Variants in PABPC1L2B observed in about 807,000 individuals in gnomAD.
PABPC1L2B encodes poly(A) binding protein cytoplasmic 1 like 2B, also known as polyadenylate-binding protein 1-like 2.
For synonymous variants in PABPC1L2B, 7 were observed against 7.1 expected (o/e 0.99, Z 0.02); for missense variants, 5 against 16.4 (o/e 0.30, Z 1.20).
Position 73,003,342 on chromosome X carries a change from T to TGAGGTGGAGGCCGAGGCC in PABPC1L2B, c.-300_-283dup, listed in dbSNP as rs2055172147. Reference sequence around the variant, plus strand: ...CGGAGGCGGAAGCAGAGGTAGAGGCTGAGGTGGAGGCCGAGGCCTCAATAG... The same window carrying TGAGGTGGAGGCCGAGGCC: ...CGGAGGCGGAAGCAGAGGTAGAGGCTGAGGTGGAGGCCGAGGCCGAGGTGGAGGCCGAGGCCTCAATAG... On this transcript the variant is annotated 5_prime_UTR_variant, in exon 1 of 1. Coordinates refer to ENST00000373521, the MANE Select transcript of PABPC1L2B (RefSeq NM_001042506.2). Among the ~76,000 whole-genome samples, 1 of 14,307 alleles carries TGAGGTGGAGGCCGAGGCC rather than the reference T, an allele frequency of 7.0e-5. No homozygotes were observed. The highest frequency in any genetic ancestry group is 9.0e-5 in the Non-Finnish European group (1 of 11,149). 12.4% of individuals were successfully genotyped at this position (14,307 alleles called of 115,157 possible). A position where few individuals can be genotyped will look rare whatever the true frequency, so the allele number is the denominator to read the frequency against.
rs2055185855 is a variant in PABPC1L2B, at chrX:73,005,814, T to C, written c.*1569T>C. On this transcript the variant is annotated 3_prime_UTR_variant, in exon 1 of 1. Transcript: ENST00000373521. Reference sequence around the variant, plus strand: ...GATATAGGGATATATTTGTTTTAAGTAGTTATTGGACGTCTGGGTTGTTTC... The same window carrying C: ...GATATAGGGATATATTTGTTTTAAGCAGTTATTGGACGTCTGGGTTGTTTC... 8.3e-6 allele frequency: 1 copy of C among 120,599 alleles called. No individual in the cohort carries two copies. The highest frequency in any genetic ancestry group is 3.3e-5 in the African/African-American group (1 of 30,721). The allele number at this position is 120,599 out of a possible 1,213,427, so 9.9% of individuals were successfully genotyped here.
Position 73,005,376 on chromosome X carries a change from T to A in PABPC1L2B, c.*1131T>A, listed in dbSNP as rs782387960. 7.3e-5 allele frequency: 9 copies of A among 122,634 alleles called. No individual in the cohort carries two copies. Among genetic ancestry groups the A allele is most frequent in the South Asian group, 3.9e-4 (1 of 2,565 alleles). The allele number at this position is 122,634 out of a possible 1,213,427, so 10.1% of individuals were successfully genotyped here. On this transcript the variant is annotated 3_prime_UTR_variant, in exon 1 of 1. Coordinates refer to ENST00000373521, the MANE Select transcript of PABPC1L2B (RefSeq NM_001042506.2). ...CCTGTCCTCAGTGGTTTTGCTGCAATCAAACACTGTTTATTACCCCCTTCC... is the reference window on the plus strand; with the variant it reads ...CCTGTCCTCAGTGGTTTTGCTGCAAACAAACACTGTTTATTACCCCCTTCC...
In PABPC1L2B at chrX:73,005,657, A is replaced by T. The variant is rs2055184860; in HGVS notation, c.*1412A>T. On this transcript the variant is annotated 3_prime_UTR_variant, in exon 1 of 1. Transcript: ENST00000373521. ...TTTCACACAGAAATATATATTATAG[A>T]CATAGATTTATAGATATTCTTGAAC... The T allele has an allele frequency of 8.1e-6, 1 of 123,322 alleles. No homozygotes were observed. Among genetic ancestry groups the T allele is most frequent in the Admixed American group, 9.5e-5 (1 of 10,507 alleles). The allele number at this position is 123,322 out of a possible 1,213,427, so 10.2% of individuals were successfully genotyped here.
At position 73,003,283 on chromosome X, in the gene PABPC1L2B, A is replaced by G. The variant is rs2055172028; in HGVS notation, c.-360A>G. 1.3e-4 allele frequency among the ~76,000 whole-genome samples: 1 copy of G among 7,650 alleles called. No homozygotes were observed. Among genetic ancestry groups the G allele is most frequent in the Non-Finnish European group, 1.7e-4 (1 of 5,724 alleles). 6.6% of individuals were successfully genotyped at this position (7,650 alleles called of 115,157 possible). On this transcript the variant is annotated 5_prime_UTR_variant, in exon 1 of 1. Transcript: ENST00000373521. ...GGCGGCGGCGGAGGCTGCGGCGGCG[A>G]CCGTGGCAGAGGCGGTGGCGGAGGC...
Position 73,005,279 on chromosome X carries a change from G to A in PABPC1L2B, c.*1034G>A, listed in dbSNP as rs1349483291. 1.6e-5 allele frequency: 2 copies of A among 122,361 alleles called. No homozygotes were observed. Among genetic ancestry groups the A allele is most frequent in the African/African-American group, 6.6e-5 (2 of 30,411 alleles). 10.1% of individuals were successfully genotyped at this position (122,361 alleles called of 1,213,427 possible). Reference sequence around the variant, plus strand: ...TAATTGATCGTGTGTGTGCGTGCGTGCGTGTGTGCATGCGTGTGTGTGTCT... The same window carrying A: ...TAATTGATCGTGTGTGTGCGTGCGTACGTGTGTGCATGCGTGTGTGTGTCT... On this transcript the variant is annotated 3_prime_UTR_variant, in exon 1 of 1. Coordinates refer to ENST00000373521, the MANE Select transcript of PABPC1L2B (RefSeq NM_001042506.2).
In PABPC1L2B at chrX:73,005,469, AT is replaced by A. The variant is rs1262773704; in HGVS notation, c.*1225del. The A allele has an allele frequency of 7.3e-5, 9 of 123,259 alleles. No homozygotes were observed. Among genetic ancestry groups the A allele is most frequent in the South Asian group, 3.8e-4 (1 of 2,657 alleles). The allele number at this position is 123,259 out of a possible 1,213,427, so 10.2% of individuals were successfully genotyped here. A position where few individuals can be genotyped will look rare whatever the true frequency, so the allele number is the denominator to read the frequency against. ...AATTCAGCGTCATTGCAGGAAAAAAATAATCACGAAGCAGACAAGTTAACAG... is the reference window on the plus strand; with the variant it reads ...AATTCAGCGTCATTGCAGGAAAAAAAAATCACGAAGCAGACAAGTTAACAG... On this transcript the variant is annotated 3_prime_UTR_variant, in exon 1 of 1. Coordinates refer to ENST00000373521, the MANE Select transcript of PABPC1L2B (RefSeq NM_001042506.2).
Position 73,005,485 on chromosome X carries a change from C to T in PABPC1L2B, c.*1240C>T, listed in dbSNP as rs781817800. On this transcript the variant is annotated 3_prime_UTR_variant, in exon 1 of 1. Coordinates refer to ENST00000373521, the MANE Select transcript of PABPC1L2B (RefSeq NM_001042506.2). ...AGGAAAAAAATAATCACGAAGCAGA[C>T]AAGTTAACAGAAGAAAATTAATGTC... 1 of 122,976 alleles carries T rather than the reference C, an allele frequency of 8.1e-6. No individual in the cohort carries two copies. The highest frequency in any genetic ancestry group is 2.8e-4 in the East Asian group (1 of 3,560). 10.1% of individuals were successfully genotyped at this position (122,976 alleles called of 1,213,427 possible). A position where few individuals can be genotyped will look rare whatever the true frequency, so the allele number is the denominator to read the frequency against.
rs1345281673 is a variant in PABPC1L2B at position 73,005,960 on chromosome X, G to T, written c.*1715G>T. Among the ~76,000 whole-genome samples the T allele has an allele frequency of 1.8e-5, 2 of 111,596 alleles. No individual in the cohort carries two copies. The highest frequency in any genetic ancestry group is 3.8e-5 in the Non-Finnish European group (2 of 53,119). On this transcript the variant is annotated 3_prime_UTR_variant, in exon 1 of 1. Transcript: ENST00000373521. The stretch of plus-strand genomic sequence containing the variant: ...ATTGAAGGATGAAAAGATATGGGAG[G>T]TTTAAAATCTTCTTTTTCCCTTCTT...
rs1480258905 is a variant in PABPC1L2B at position 73,005,119 on chromosome X, T to C, written c.*874T>C. ...ACTGCGGACTTGCAAGATCCACATA[T>C]AGACATTTTAAAGACTTTTCCTGTG... On this transcript the variant is annotated 3_prime_UTR_variant, in exon 1 of 1. Transcript: ENST00000373521. 2 of 101,683 alleles carry C rather than the reference T, an allele frequency of 2.0e-5. No individual in the cohort carries two copies. The highest frequency in any genetic ancestry group is 8.2e-5 in the African/African-American group (2 of 24,355). 8.4% of individuals were successfully genotyped at this position (101,683 alleles called of 1,213,427 possible). A position where few individuals can be genotyped will look rare whatever the true frequency, so the allele number is the denominator to read the frequency against.
rs1454290067 is a variant in PABPC1L2B, at chrX:73,005,606, T to C, written c.*1361T>C. ...TCATGTGATATATATGTGAAATTAT[T>C]GTATATACTGTTTCAATATCTGCTT... On this transcript the variant is annotated 3_prime_UTR_variant, in exon 1 of 1. Coordinates refer to ENST00000373521, the MANE Select transcript of PABPC1L2B (RefSeq NM_001042506.2). 1 of 123,192 alleles carries C rather than the reference T, an allele frequency of 8.1e-6. No homozygotes were observed. The highest frequency in any genetic ancestry group is 1.9e-5 in the Non-Finnish European group (1 of 53,302). The allele number at this position is 123,192 out of a possible 1,213,427, so 10.2% of individuals were successfully genotyped here.
In PABPC1L2B at chrX:73,006,083, G is replaced by A. The variant is rs1556364780; in HGVS notation, c.*1838G>A. On this transcript the variant is annotated 3_prime_UTR_variant, in exon 1 of 1. Coordinates refer to ENST00000373521, the MANE Select transcript of PABPC1L2B (RefSeq NM_001042506.2). The stretch of plus-strand genomic sequence containing the variant: ...GATACCTGTACAGTTTTTGAGACTT[G>A]GTATTAAATTATTTATAATTTGAGA... Among the ~76,000 whole-genome samples the A allele has an allele frequency of 9.0e-6, 1 of 111,029 alleles. No individual in the cohort carries two copies. Among genetic ancestry groups the A allele is most frequent in the Non-Finnish European group, 1.9e-5 (1 of 52,865 alleles).
Position 73,005,324 on chromosome X carries a change from A to G in PABPC1L2B, c.*1079A>G. The G allele has an allele frequency of 8.0e-6, 1 of 124,656 alleles. No homozygotes were observed. 10.3% of individuals were successfully genotyped at this position (124,656 alleles called of 1,213,427 possible). Reference sequence around the variant, plus strand: ...GTGTCTTTGTGTGTGTGTCTTGGCCAGCTTGGCGGGCTGCAAAGGGTGTTT... The same window carrying G: ...GTGTCTTTGTGTGTGTGTCTTGGCCGGCTTGGCGGGCTGCAAAGGGTGTTT... On this transcript the variant is annotated 3_prime_UTR_variant, in exon 1 of 1. Coordinates refer to ENST00000373521, the MANE Select transcript of PABPC1L2B (RefSeq NM_001042506.2).
In PABPC1L2B at chrX:73,005,121, G is replaced by C. The variant is rs1430204049; in HGVS notation, c.*876G>C. 1 of 102,000 alleles carries C rather than the reference G, an allele frequency of 9.8e-6. No homozygotes were observed. The highest frequency in any genetic ancestry group is 2.2e-5 in the Non-Finnish European group (1 of 46,429). The allele number at this position is 102,000 out of a possible 1,213,427, so 8.4% of individuals were successfully genotyped here. A position where few individuals can be genotyped will look rare whatever the true frequency, so the allele number is the denominator to read the frequency against. On this transcript the variant is annotated 3_prime_UTR_variant, in exon 1 of 1. Transcript: ENST00000373521. Reference sequence around the variant, plus strand: ...TGCGGACTTGCAAGATCCACATATAGACATTTTAAAGACTTTTCCTGTGTG... The same window carrying C: ...TGCGGACTTGCAAGATCCACATATACACATTTTAAAGACTTTTCCTGTGTG...
In PABPC1L2B at chrX:73,005,775, AC is replaced by A. The variant is rs1186153298; in HGVS notation, c.*1531del. 1 of 122,304 alleles carries A rather than the reference AC, an allele frequency of 8.2e-6. No homozygotes were observed. Among genetic ancestry groups the A allele is most frequent in the African/African-American group, 3.3e-5 (1 of 30,717 alleles). 10.1% of individuals were successfully genotyped at this position (122,304 alleles called of 1,213,427 possible). The stretch of plus-strand genomic sequence containing the variant: ...GCTTCATAGAGTGATAGATATATAT[AC>A]ATATTAGATATAGATATAGGGATAT... On this transcript the variant is annotated 3_prime_UTR_variant, in exon 1 of 1. Coordinates refer to ENST00000373521, the MANE Select transcript of PABPC1L2B (RefSeq NM_001042506.2).
In PABPC1L2B at chrX:73,005,396, C is replaced by G. The variant is rs2055183093; in HGVS notation, c.*1151C>G. On this transcript the variant is annotated 3_prime_UTR_variant, in exon 1 of 1. Transcript: ENST00000373521. ...TGCAATCAAACACTGTTTATTACCC[C>G]CTTCCCCTGTGCCCACTTCCTGTCC... 8.2e-6 allele frequency: 1 copy of G among 122,643 alleles called. No individual in the cohort carries two copies. Among genetic ancestry groups the G allele is most frequent in the Admixed American group, 9.5e-5 (1 of 10,490 alleles). The allele number at this position is 122,643 out of a possible 1,213,427, so 10.1% of individuals were successfully genotyped here.
At position 73,005,493 on chromosome X, in the gene PABPC1L2B, C is replaced by T. The variant is rs1467805359; in HGVS notation, c.*1248C>T. ...AATAATCACGAAGCAGACAAGTTAA[C>T]AGAAGAAAATTAATGTCACCAGTAA... is the stretch of plus-strand genomic sequence containing the variant. On this transcript the variant is annotated 3_prime_UTR_variant, in exon 1 of 1. Coordinates refer to ENST00000373521, the MANE Select transcript of PABPC1L2B (RefSeq NM_001042506.2). The T allele has an allele frequency of 8.1e-6, 1 of 123,023 alleles. No homozygotes were observed. The highest frequency in any genetic ancestry group is 3.3e-5 in the African/African-American group (1 of 30,687). The allele number at this position is 123,023 out of a possible 1,213,427, so 10.1% of individuals were successfully genotyped here.
rs2055186813 is a variant in PABPC1L2B, at chrX:73,006,049, GTGTACCTGGATACC to G, written c.*1810_*1823del. 8.9e-6 allele frequency among the ~76,000 whole-genome samples: 1 copy of G among 111,832 alleles called. No homozygotes were observed. The highest frequency in any genetic ancestry group is 3.2e-5 in the African/African-American group (1 of 30,835). ...CTCATAAAATATGCAGATATTGTGA[GTGTACCTGGATACC>G]TGTACAGTTTTTGAGACTTGGTATT... On this transcript the variant is annotated 3_prime_UTR_variant, in exon 1 of 1. Transcript: ENST00000373521.
At position 73,003,729 on chromosome X, in the gene PABPC1L2B, C is replaced by CGGTGG; in HGVS notation, c.87_88insGGTGG (p.Ser30GlyfsTer36). 4.0e-6 allele frequency: 1 copy of CGGTGG among 249,257 alleles called. No homozygotes were observed. Among genetic ancestry groups the CGGTGG allele is most frequent in the Non-Finnish European group, 5.8e-6 (1 of 170,948 alleles). 20.5% of individuals were successfully genotyped at this position (249,257 alleles called of 1,213,427 possible). On this transcript the variant is annotated frameshift_variant, in exon 1 of 1. Coordinates refer to ENST00000373521, the MANE Select transcript of PABPC1L2B (RefSeq NM_001042506.2). LOFTEE classifies it high-confidence loss of function. ...AGTTCAGTCCAGCTGGGCCCATCCT[C>CGGTGG]TCCATCCGCATCTGCAGGGACAAGA...
chrX:73,003,566 T>C lies in PABPC1L2B; in HGVS notation c.-77T>C, dbSNP rs1319061175. The C allele has an allele frequency of 1.5e-5, 5 of 323,992 alleles. No homozygotes were observed. Among genetic ancestry groups the C allele is most frequent in the Non-Finnish European group, 2.3e-5 (5 of 218,386 alleles). 26.7% of individuals were successfully genotyped at this position (323,992 alleles called of 1,213,427 possible). A position where few individuals can be genotyped will look rare whatever the true frequency, so the allele number is the denominator to read the frequency against. ...GTGGCGGCCGAGGTGGCGGCCGAGGTGGCGGCTGCGGCGGCCGCCGCGGAT... is the reference window on the plus strand; with the variant it reads ...GTGGCGGCCGAGGTGGCGGCCGAGGCGGCGGCTGCGGCGGCCGCCGCGGAT... On this transcript the variant is annotated 5_prime_UTR_variant, in exon 1 of 1. Transcript: ENST00000373521.
Sources: gnomAD v4.1 joint callset for allele counts (sites outside exome capture counted in the v4.1 genomes callset) on GRCh38, gnomAD v4.1.1 for gene constraint, MANE v1.5 for transcripts, NCBI Gene and HGNC (gene_info 2026-07-23, HGNC 2026-07-21) for gene names.